VPS13C: variants seen among roughly 807,000 people sequenced by gnomAD.
The protein encoded by VPS13C is intermembrane lipid transfer protein VPS13C.
Under a neutral mutation model 456.8 loss-of-function variants are expected in VPS13C, and 358 were observed. The ratio of observed to expected loss-of-function variants is 0.78; its 90% CI spans 0.72 to 0.86. The LOEUF (loss-of-function observed/expected upper bound fraction) is 0.86. Ranked by LOEUF, VPS13C falls within the 40% of genes least tolerant of loss-of-function variation. The pLI is 0.00. For synonymous variants in VPS13C, 1,578 were observed against 1,486.7 expected (o/e 1.06, Z -1.41); for missense variants, 4,818 against 4,385.4 (o/e 1.10, Z -2.79).
chr15:62,046,788 G>A (rs886995163), intron 1 of VPS13C, among the ~76,000 whole-genome samples: 4 of 152,202 alleles, frequency 2.6e-5, no homozygotes, highest in African/African-American at 9.7e-5. Context: ...GTTTGATCAA[G>A]TAGTAGGATA....
At chr15:61,911,485 A>T (rs1352121724) in intron 63 of VPS13C, among the ~76,000 whole-genome samples, 1 of 152,212 alleles carries the variant, frequency 6.6e-6, no homozygotes, top group Non-Finnish European at 1.5e-5. Flanking sequence ...CTCCACATGC[A>T]GACTTTTATG....
chr15:61,929,637 T>C lies in VPS13C; in HGVS notation c.6150A>G (p.Val2050=). ...QIDAVLDKLY[V]CASVEFLMTV... ...TCATCAGAAATTCCACACTGGCACA[T>C]ACATACAGCTTGTCAAGAACAGCAT... The change falls in exon 51 of 85, where the codon GTA becomes GTG. Residue 2050 remains valine (V), a synonymous_variant. Coordinates refer to ENST00000644861, the MANE Select transcript of VPS13C (RefSeq NM_020821.3). The C allele has an allele frequency of 6.2e-7, 1 of 1,614,160 alleles. No individual in the cohort carries two copies. The highest frequency in any genetic ancestry group is 8.5e-7 in the Non-Finnish European group (1 of 1,180,008).
At chr15:61,947,384 C>A in intron 42 of VPS13C, 75 bp from the exon 43 acceptor site, 1 of 1,128,082 alleles carries the variant, frequency 8.9e-7, no homozygotes, top group South Asian at 1.4e-5. Context: ...TCAAATCCAC[C>A]AAAATAAAAG....
At chr15:61,980,743 T>C (rs1310974206) in intron 22 of VPS13C, among the ~76,000 whole-genome samples, 2 of 152,212 alleles carry the variant, frequency 1.3e-5, no homozygotes, top group Admixed American at 1.3e-4. Flanking sequence ...CCTTGAGAGA[T>C]GGACTAAATG....
At chr15:62,053,936 T>G (rs1049028726) in intron 1 of VPS13C, among the ~76,000 whole-genome samples, 1 of 152,178 alleles carries the variant, frequency 6.6e-6, no homozygotes, top group African/African-American at 2.4e-5. Flanking sequence ...GAGTCACCCT[T>G]GTATCTAACA....
At chr15:62,047,261 T>TAA (rs201973062) in intron 1 of VPS13C, among the ~76,000 whole-genome samples, 24 of 147,460 alleles carry the variant, frequency 1.6e-4, no homozygotes, top group African/African-American at 6.0e-4. Context: ...CCATCTCTAC[T>TAA]AAAAAAAAAA....
intron 61 of VPS13C, among the ~76,000 whole-genome samples, chr15:61,913,656 G>A (rs1048317527): frequency 2.0e-5 from 3 of 152,098 alleles, no homozygotes; most frequent in Non-Finnish European, 2.9e-5. Flanking sequence ...CCTATGCAAT[G>A]AGTATAGTAA....
intron 9 of VPS13C, among the ~76,000 whole-genome samples, chr15:62,017,133 GTTGT>G (rs988785172): frequency 6.6e-6 from 1 of 152,108 alleles, no homozygotes; most frequent in Admixed American, 6.6e-5. Context: ...TGTTGATGGG[GTTGT>G]TTTTTTCTTC....
At chr15:61,973,662 C>T (rs2045621893) in intron 25 of VPS13C, 130 bp from the exon 26 acceptor site, 3 of 629,488 alleles carry the variant, frequency 4.8e-6, no homozygotes, top group African/African-American at 1.8e-5. Flanking sequence ...CAATATAACA[C>T]AATATACAAA....
At chr15:61,974,235 C>A in intron 25 of VPS13C, 53 bp downstream of exon 25, 2 of 1,488,980 alleles carry the variant, frequency 1.3e-6, no homozygotes, top group South Asian at 1.4e-5. Context: ...GACTTTTCAT[C>A]ACTGCTCTAA....
intron 45 of VPS13C, among the ~76,000 whole-genome samples, chr15:61,944,225 A>T (rs968828447): frequency 1.3e-5 from 2 of 152,230 alleles, no homozygotes; most frequent in Non-Finnish European, 2.9e-5. Flanking sequence ...AAAGCAATTT[A>T]GAGATTTCTC....
At chr15:61,900,221 C>G (rs1365025167) in intron 66 of VPS13C, among the ~76,000 whole-genome samples, 1 of 152,182 alleles carries the variant, frequency 6.6e-6, no homozygotes, top group African/African-American at 2.4e-5. Flanking sequence ...GATGCCCTCT[C>G]TCACCACTCC....
At chr15:61,958,433 A>C (rs1195644376) in intron 37 of VPS13C, among the ~76,000 whole-genome samples, 175 bp downstream of exon 37, 1 of 152,158 alleles carries the variant, frequency 6.6e-6, no homozygotes, top group African/African-American at 2.4e-5. Flanking sequence ...ACTTAGCTTA[A>C]GAGAGTCAAT....
Position 62,060,264 on chromosome 15 carries a change from CT to C in VPS13C, c.100+10del, listed in dbSNP as rs768979688. ...GCGCCCGCAGCCCACTGGCCGCGCC[CT>C]CTCGCTTACCGCCCCAGATGCCCAG... On this transcript the variant is annotated intron_variant, in intron 1 of 84. Transcript: ENST00000644861. The C allele has an allele frequency of 1.0e-4, 158 of 1,586,960 alleles. No individual in the cohort carries two copies. Among genetic ancestry groups the C allele is most frequent in the Non-Finnish European group, 1.3e-4 (156 of 1,162,330 alleles).
At chr15:61,925,096 A>G (rs1041696665) in intron 53 of VPS13C, among the ~76,000 whole-genome samples, 1 of 152,098 alleles carries the variant, frequency 6.6e-6, no homozygotes, top group African/African-American at 2.4e-5. Flanking sequence ...CCTAAAAAGA[A>G]CTTATTACAA....
intron 5 of VPS13C, among the ~76,000 whole-genome samples, chr15:62,029,335 T>C (rs80315976): frequency 0.011 from 1,672 of 152,230 alleles, 41 homozygotes; most frequent in African/African-American, 0.039. Flanking sequence ...CATCAGAGCA[T>C]GCAAATCTCT....
chr15:61,884,968 A>T (rs1031544615), intron 67 of VPS13C, among the ~76,000 whole-genome samples: 2 of 152,070 alleles, frequency 1.3e-5, no homozygotes, highest in Non-Finnish European at 2.9e-5. Flanking sequence ...ATCACTTCCA[A>T]TTCAAAGTTA....
Position 61,890,405 on chromosome 15 carries a change from G to A in VPS13C, c.9106-5C>T. ...TGGAAACTGTCCACATCCATCCTGG[G>A]AAGAAGAAAGACTTCATTAAACCCA... On this transcript the variant is annotated splice_region_variant and splice_polypyrimidine_tract_variant and intron_variant, in intron 66 of 84. Transcript: ENST00000644861. 3 of 1,611,218 alleles carry A rather than the reference G, an allele frequency of 1.9e-6. No individual in the cohort carries two copies. The highest frequency in any genetic ancestry group is 2.5e-6 in the Non-Finnish European group (3 of 1,177,840).
At chr15:61,979,382 T>G (rs2045804643) in intron 22 of VPS13C, among the ~76,000 whole-genome samples, 1 of 152,148 alleles carries the variant, frequency 6.6e-6, no homozygotes, top group African/African-American at 2.4e-5. Context: ...GATTAAGGCT[T>G]CAGTTTGAAA....
Sources: allele counts gnomAD v4.1 joint callset (sites outside exome capture counted in the v4.1 genomes callset), GRCh38; gene constraint gnomAD v4.1.1; transcripts MANE v1.5; gene names NCBI Gene and HGNC (gene_info 2026-07-23, HGNC 2026-07-21).